Variants in KLHL3 observed in about 807,000 individuals in gnomAD.
KLHL3 encodes kelch-like protein 3.
KLHL3 carries 19 observed loss-of-function variants against 70.5 expected under a neutral mutation model. That is an observed-to-expected ratio of 0.27 (90% CI 0.19 to 0.40). The LOEUF (loss-of-function observed/expected upper bound fraction) is 0.40, where lower values mean the gene tolerates loss of function less well. Ranked by LOEUF, KLHL3 falls within the 10% of genes least tolerant of loss-of-function variation. KLHL3 has a pLI of 1.00. For missense variants in KLHL3, 512 were observed against 771.1 expected, an observed-to-expected ratio of 0.66 and a Z score of 3.98; for synonymous variants, 258 against 290.3, an observed-to-expected ratio of 0.89 and a Z score of 1.13.
In KLHL3 at chr5:137,735,703, T is replaced by C; in HGVS notation, c.-57A>G. 2 of 1,613,694 alleles carry C rather than the reference T, an allele frequency of 1.2e-6. 1 individual carries two copies. Among genetic ancestry groups the C allele is most frequent in the South Asian group, 2.2e-5 (2 of 91,074 alleles). ...GAACTGTGTATGCACTCGGGGATCC[T>C]AGTTCTGTTCTTGATTCTCCCAGCA... On this transcript the variant is annotated 5_prime_UTR_variant, in exon 1 of 15. Transcript: ENST00000309755.
At position 137,639,544 on chromosome 5, in the gene KLHL3, A is replaced by C. The variant is rs1289669051; in HGVS notation, c.1021+316T>G. On this transcript the variant is annotated intron_variant, in intron 9 of 14. Coordinates refer to ENST00000309755, the MANE Select transcript of KLHL3 (RefSeq NM_017415.3). This position sits in a 1 kb window ranked among gnomAD's most constrained non-coding sequence, Gnocchi z 5.0. Reference sequence around the variant, plus strand: ...ACCCGTCTCTACTAAAAATGCAAAAATTAGCTGGGCATGGTGGTGCACGCC... The same window carrying C: ...ACCCGTCTCTACTAAAAATGCAAAACTTAGCTGGGCATGGTGGTGCACGCC... Among the ~76,000 whole-genome samples the C allele has an allele frequency of 2.6e-5, 4 of 151,988 alleles. No homozygotes were observed. The highest frequency in any genetic ancestry group is 2.6e-4 in the Admixed American group (4 of 15,258).
intron 1 of KLHL3, among the ~76,000 whole-genome samples, chr5:137,732,221 AC>A (rs539195214): frequency 6.1e-4 from 93 of 152,098 alleles, no homozygotes; most frequent in African/African-American, 2.0e-3. Flanking sequence ...ACAGCCAGAG[AC>A]CCTTTCCCTT....
At chr5:137,711,244 T>C (rs1752787465) in intron 2 of KLHL3, among the ~76,000 whole-genome samples, 1 of 152,202 alleles carries the variant, frequency 6.6e-6, no homozygotes, top group Admixed American at 6.5e-5. Context: ...TTTGTTTAGG[T>C]TCACATATCA....
At chr5:137,673,243 T>A (rs6887537) in intron 6 of KLHL3, among the ~76,000 whole-genome samples, 61,978 of 151,988 alleles carry the variant, frequency 0.41, 13,673 homozygotes, top group East Asian at 0.89. Flanking sequence ...GTGAAAATGC[T>A]ATATAAACTG....
intron 6 of KLHL3, among the ~76,000 whole-genome samples, chr5:137,668,901 T>TA (rs1212843143): frequency 6.7e-6 from 1 of 149,904 alleles, no homozygotes; most frequent in African/African-American, 2.4e-5. Context: ...AGCCAGTTGT[T>TA]AAACATTTAC....
intron 5 of KLHL3, among the ~76,000 whole-genome samples, chr5:137,683,305 A>G (rs1752080151): frequency 6.6e-6 from 1 of 152,188 alleles, no homozygotes; most frequent in Admixed American, 6.5e-5. Flanking sequence ...TCCCAGGGCC[A>G]GCAGCCCCAG....
chr5:137,708,188 G>A (rs770373303), intron 3 of KLHL3, among the ~76,000 whole-genome samples: 1 of 152,174 alleles, frequency 6.6e-6, no homozygotes, highest in Non-Finnish European at 1.5e-5. Flanking sequence ...AGAGTAGCCT[G>A]GTCCACTTAG....
At chr5:137,709,882 GA>G in intron 2 of KLHL3, 26 bp from the exon 3 acceptor site, 1 of 1,589,250 alleles carries the variant, frequency 6.3e-7, no homozygotes, top group Non-Finnish European at 8.6e-7. Context: ...GAGAGGACAG[GA>G]TGGGTTGCAG....
rs1751304732 is a variant in KLHL3, at chr5:137,655,089, C to T, written c.903+3042G>A. On this transcript the variant is annotated intron_variant, in intron 8 of 14. Coordinates refer to ENST00000309755, the MANE Select transcript of KLHL3 (RefSeq NM_017415.3). Reference sequence around the variant, plus strand: ...GAACCATTCCCTTAGCTCCAAGCTACACTCCTCAGGCAAAGATGTCATTCT... The same window carrying T: ...GAACCATTCCCTTAGCTCCAAGCTATACTCCTCAGGCAAAGATGTCATTCT... Among the ~76,000 whole-genome samples, 2 of 152,216 alleles carry T rather than the reference C, an allele frequency of 1.3e-5. 1 individual carries two copies. The highest frequency in any genetic ancestry group is 4.1e-4 in the South Asian group (2 of 4,828).
intron 6 of KLHL3, among the ~76,000 whole-genome samples, chr5:137,665,235 G>A (rs1172869280): frequency 6.6e-6 from 1 of 152,154 alleles, no homozygotes; most frequent in Non-Finnish European, 1.5e-5. Context: ...TAAATGCCGT[G>A]CATAAACCAT....
chr5:137,658,093 C>A, intron 8 of KLHL3, 38 bp downstream of exon 8: 1 of 1,579,010 alleles, frequency 6.3e-7, no homozygotes, highest in Admixed American at 1.9e-5. Context: ...TCCCAGGGCA[C>A]AGTCCTGACT....
At chr5:137,626,996 C>CAAAA (rs150828371) in intron 13 of KLHL3, among the ~76,000 whole-genome samples, 1 of 145,296 alleles carries the variant, frequency 6.9e-6, no homozygotes. Flanking sequence ...GATCCTGTCT[C>CAAAA]AAAAAAAAAA....
chr5:137,717,934 T>C (rs1752925670), intron 2 of KLHL3, among the ~76,000 whole-genome samples: 1 of 152,134 alleles, frequency 6.6e-6, no homozygotes, highest in East Asian at 1.9e-4. Context: ...TAGAAAAGTG[T>C]TTCCCAAAAC....
intron 6 of KLHL3, among the ~76,000 whole-genome samples, chr5:137,664,276 G>A (rs1751557905): frequency 6.6e-6 from 1 of 151,722 alleles, no homozygotes; most frequent in South Asian, 2.1e-4. Flanking sequence ...CTTGAGCCTG[G>A]GAGGTCGAGC....
chr5:137,632,824 C>A (rs1750670546), intron 12 of KLHL3, among the ~76,000 whole-genome samples: 2 of 152,092 alleles, frequency 1.3e-5, no homozygotes, highest in Non-Finnish European at 2.9e-5. Flanking sequence ...GAAAAAACAA[C>A]CCCATTAAAA....
chr5:137,688,579 A>G (rs987862835), intron 5 of KLHL3, among the ~76,000 whole-genome samples: 7 of 152,210 alleles, frequency 4.6e-5, no homozygotes, highest in Admixed American at 3.9e-4. Context: ...AACTCTAGCC[A>G]CATGCACTCC....
intron 5 of KLHL3, among the ~76,000 whole-genome samples, chr5:137,682,240 T>C (rs535869327): frequency 3.0e-4 from 46 of 152,234 alleles, no homozygotes; most frequent in Middle Eastern, 3.4e-3. Flanking sequence ...ATAGTAAACC[T>C]GGTAGAGCCA....
At chr5:137,693,857 ACTT>A (rs1364705021) in intron 4 of KLHL3, among the ~76,000 whole-genome samples, 31 of 149,326 alleles carry the variant, frequency 2.1e-4, no homozygotes, top group African/African-American at 3.2e-4. Flanking sequence ...CTTGAAAAAG[ACTT>A]CTTTTTTTTT....
intron 4 of KLHL3, chr5:137,692,662 C>T (rs943361743): frequency 5.1e-5 from 27 of 533,974 alleles, no homozygotes; most frequent in Non-Finnish European, 8.0e-5. Context: ...ATCCCTACAG[C>T]CATGCTTCCC....
Sources: allele counts gnomAD v4.1 joint callset (sites outside exome capture counted in the v4.1 genomes callset), GRCh38; gene constraint gnomAD v4.1.1; non-coding constraint Gnocchi (gnomAD v3.1); transcripts MANE v1.5; gene names NCBI Gene and HGNC (gene_info 2026-07-23, HGNC 2026-07-21).